STAM: variants seen among roughly 807,000 people sequenced by gnomAD.
STAM encodes signal transducing adaptor molecule, also known as signal transducing adapter molecule 1.
In STAM, 16 loss-of-function variants were observed where a neutral mutation model predicts 63.4. The ratio of observed to expected loss-of-function variants is 0.25; its 90% confidence interval spans 0.17 to 0.38. The LOEUF is 0.38. STAM is among the 10% of genes least tolerant of loss of function. STAM has a pLI of 1.00. For synonymous variants in STAM, 238 were observed against 223.9 expected (o/e 1.06, Z -0.56); for missense variants, 636 against 657.1 (o/e 0.97, Z 0.35).
intron 9 of STAM, among the ~76,000 whole-genome samples, chr10:17,703,642 A>G (rs1836120773): frequency 6.6e-6 from 1 of 152,206 alleles, no homozygotes; most frequent in Non-Finnish European, 1.5e-5. Flanking sequence ...TAATGGTTTC[A>G]TTCATTCCAT....
chr10:17,694,935 T>C, intron 6 of STAM, 114 bp from the exon 7 acceptor site: 1 of 951,054 alleles, frequency 1.1e-6, no homozygotes, highest in Non-Finnish European at 1.5e-6. Flanking sequence ...TATGTTCTAG[T>C]TTCTAACTAT....
intron 12 of STAM, among the ~76,000 whole-genome samples, chr10:17,707,278 T>C (rs1485605606): frequency 6.6e-6 from 1 of 151,952 alleles, no homozygotes; most frequent in Admixed American, 6.6e-5. Flanking sequence ...GGCGTGGTGG[T>C]GGGTGCCTAT....
chr10:17,684,097 G>A (rs1835195875), intron 2 of STAM, among the ~76,000 whole-genome samples: 1 of 152,066 alleles, frequency 6.6e-6, no homozygotes, highest in Non-Finnish European at 1.5e-5. Context: ...GATCTCTTTA[G>A]CATATCGCCC....
In STAM at chr10:17,673,151, A is replaced by T. The variant is rs1306694813; in HGVS notation, c.126-11524A>T. On this transcript the variant is annotated intron_variant, in intron 2 of 13. Transcript: ENST00000377524. Reference sequence around the variant, plus strand: ...TTTTCTCTTACCATGTATTTTTACAAAATATTTTGTGTTTATTGCCACCCG... The same window carrying T: ...TTTTCTCTTACCATGTATTTTTACATAATATTTTGTGTTTATTGCCACCCG... 5.4e-6 allele frequency: 3 copies of T among 550,942 alleles called. No homozygotes were observed. In the African/African-American group the frequency reaches 6.1e-5, roughly 11 times the overall value. The allele number at this position is 550,942 out of a possible 1,614,324, so 34.1% of individuals were successfully genotyped here. A position where few individuals can be genotyped will look rare whatever the true frequency, so the allele number is the denominator to read the frequency against.
At chr10:17,689,295 A>G (rs1262399320) in intron 5 of STAM, among the ~76,000 whole-genome samples, 7 of 152,314 alleles carry the variant, frequency 4.6e-5, no homozygotes, top group African/African-American at 1.7e-4. Context: ...ATGAACAGAA[A>G]TCTGTGAGTG....
At chr10:17,670,899 C>G (rs1834613552) in intron 2 of STAM, among the ~76,000 whole-genome samples, 1 of 151,946 alleles carries the variant, frequency 6.6e-6, no homozygotes, top group Admixed American at 6.6e-5. Flanking sequence ...TGTTACAAAT[C>G]AAATTTGCAT....
chr10:17,684,110 G>A (rs900412932), intron 2 of STAM, among the ~76,000 whole-genome samples: 7 of 152,080 alleles, frequency 4.6e-5, no homozygotes, highest in South Asian at 2.1e-4. Context: ...TATCGCCCTC[G>A]GTCACTTTTT....
chr10:17,702,822 A>T (rs1836060299), intron 9 of STAM, among the ~76,000 whole-genome samples: 1 of 152,148 alleles, frequency 6.6e-6, no homozygotes, highest in African/African-American at 2.4e-5. Flanking sequence ...ATCCTGGCCA[A>T]CATGGTGAAA....
At chr10:17,681,791 A>G (rs1170174096) in intron 2 of STAM, among the ~76,000 whole-genome samples, 1 of 152,250 alleles carries the variant, frequency 6.6e-6, no homozygotes, top group Non-Finnish European at 1.5e-5. Flanking sequence ...ATCATGGGCA[A>G]GGAACTGAAC....
intron 8 of STAM, among the ~76,000 whole-genome samples, chr10:17,697,522 T>G (rs1835814103): frequency 6.6e-6 from 1 of 152,156 alleles, no homozygotes; most frequent in South Asian, 2.1e-4. Context: ...CCCTGCTGAG[T>G]AGGATAATAA....
chr10:17,681,135 C>G (rs1425360229), intron 2 of STAM, among the ~76,000 whole-genome samples: 3 of 151,436 alleles, frequency 2.0e-5, no homozygotes, highest in East Asian at 1.9e-4. Context: ...CAACACTTAC[C>G]ATTTTTTCTG....
At chr10:17,672,853 C>T (rs1554824217) in intron 2 of STAM, 2 of 161,336 alleles carry the variant, frequency 1.2e-5, no homozygotes, top group African/African-American at 4.9e-5. Context: ...GTGTTATGGT[C>T]ATTTATCAAA....
At chr10:17,690,349 A>G (rs1294874203) in intron 5 of STAM, among the ~76,000 whole-genome samples, 1 of 152,240 alleles carries the variant, frequency 6.6e-6, no homozygotes, top group Non-Finnish European at 1.5e-5. Flanking sequence ...GAAATTCAGG[A>G]CATAGAAGAG....
At chr10:17,651,702 G>A (rs1209302111) in intron 1 of STAM, among the ~76,000 whole-genome samples, 1 of 152,158 alleles carries the variant, frequency 6.6e-6, no homozygotes, top group Admixed American at 6.5e-5. Flanking sequence ...TGCAGATACA[G>A]TTTCCAGGAG....
intron 4 of STAM, 32 bp from the exon 5 acceptor site, chr10:17,687,995 G>A: frequency 1.3e-6 from 2 of 1,516,228 alleles, no homozygotes; most frequent in Non-Finnish European, 1.8e-6. Flanking sequence ...CTAGGAAATT[G>A]GTGCTCTTTT....
At chr10:17,645,862 GCTT>G (rs149851551) in intron 1 of STAM, among the ~76,000 whole-genome samples, 2,122 of 152,280 alleles carry the variant, frequency 0.014, 48 homozygotes, top group African/African-American at 0.049. Context: ...ACTTAAAACA[GCTT>G]CTTAATACTT....
At chr10:17,644,668 T>A (rs1554820584) in intron 1 of STAM, among the ~76,000 whole-genome samples, 2 of 152,122 alleles carry the variant, frequency 1.3e-5, no homozygotes, top group Admixed American at 1.3e-4. Flanking sequence ...TGGTGTAGCA[T>A]CTGGTGCAGG....
intron 7 of STAM, among the ~76,000 whole-genome samples, chr10:17,696,385 T>C (rs1252935952): frequency 1.3e-5 from 2 of 152,052 alleles, no homozygotes; most frequent in Admixed American, 1.3e-4. Flanking sequence ...ACCTTGCTGC[T>C]GTGTACCAGA....
intron 4 of STAM, among the ~76,000 whole-genome samples, chr10:17,687,292 T>C (rs9919368): frequency 0.14 from 20,568 of 152,048 alleles, 1,628 homozygotes; most frequent in East Asian, 0.26. Flanking sequence ...CTGGCCAACA[T>C]GGTAAAACCC....
Sources: allele counts gnomAD v4.1 joint callset (sites outside exome capture counted in the v4.1 genomes callset), GRCh38; gene constraint gnomAD v4.1.1; transcripts MANE v1.5; gene names NCBI Gene and HGNC (gene_info 2026-07-23, HGNC 2026-07-21).